Variants in SLC16A8 observed in about 807,000 individuals in gnomAD.
SLC16A8 encodes solute carrier family 16 member 8, also known as monocarboxylate transporter 3.
SLC16A8 carries 20 observed loss-of-function variants against 22.4 expected under a neutral mutation model. The ratio of observed to expected loss-of-function variants is 0.89; its 90% confidence interval spans 0.63 to 1.30. The LOEUF is 1.30. Ranked by LOEUF, SLC16A8 falls within the 50% of genes most tolerant of loss-of-function variation. The pLI is 0.00. For missense variants in SLC16A8, 817 were observed against 740.3 expected (o/e 1.10, Z -1.20); for synonymous variants, 393 against 358.8 (o/e 1.10, Z -1.08).
intron 5 of SLC16A8, 27 bp from the exon 6 acceptor site, chr22:38,078,731 G>A (rs746168595): frequency 4.4e-6 from 7 of 1,591,642 alleles, no homozygotes; most frequent in Non-Finnish European, 6.0e-6. Context: ...AGAGGAGGGA[G>A]AGGTAAGGTC....
At position 38,081,125 on chromosome 22, in the gene SLC16A8, C is replaced by T. The variant is rs1375022222; in HGVS notation, c.913G>A (p.Ala305Thr). 6.5e-7 allele frequency: 1 copy of T among 1,543,510 alleles called. No homozygotes were observed. The part of the protein sequence containing the change: ...VGFVDIVARP[A>T]CGALAGLARL... ...GCCAGGCCCGCCAGGGCGCCGCACG[C>T]CGGGCGCGCCACGATGTCCACGAAG... Residue 305 changes from alanine (A) to threonine (T), a missense_variant, in exon 5 of 6, where the codon GCG (alanine) becomes ACG (threonine). By Grantham distance (58) the Ala-to-Thr change is moderately conservative. Transcript: ENST00000681075.
chr22:38,081,703 CG>C, intron 4 of SLC16A8, 24 bp from the exon 5 acceptor site: 2 of 1,479,008 alleles, frequency 1.4e-6, no homozygotes, highest in Non-Finnish European at 1.8e-6. Flanking sequence ...GGTGCTGTGC[CG>C]GGGTCCCCGG....
At chr22:38,081,748 G>A in intron 4 of SLC16A8, 69 bp from the exon 5 acceptor site, 1 of 1,457,516 alleles carries the variant, frequency 6.9e-7, no homozygotes, top group Non-Finnish European at 9.0e-7. Context: ...GGAGGGAGGG[G>A]CCAGGCCCGG....
At position 38,083,982 on chromosome 22, in the gene SLC16A8, A is replaced by G. The variant is rs1003834688; in HGVS notation, c.-329+6T>C. 6.6e-6 allele frequency: 1 copy of G among 151,764 alleles called. No homozygotes were observed. Among genetic ancestry groups the G allele is most frequent in the African/African-American group, 2.4e-5 (1 of 41,268 alleles). The allele number at this position is 151,764 out of a possible 1,614,324, so 9.4% of individuals were successfully genotyped here. ...TGATCCCAGGCAGCCCTCACATCAC[A>G]CTCACCTGAGCCTGCCTCGTGGGTT... On this transcript the variant is annotated splice_donor_region_variant and intron_variant, in intron 1 of 5. Coordinates refer to ENST00000681075, the MANE Select transcript of SLC16A8 (RefSeq NM_013356.3).
In SLC16A8 at chr22:38,080,975, G is replaced by A. The variant is rs1009341663; in HGVS notation, c.1063C>T (p.Leu355Phe). Residue 355 changes from leucine to phenylalanine, a missense_variant, in exon 5 of 6, where the codon CTC becomes TTC. Coordinates refer to ENST00000681075, the MANE Select transcript of SLC16A8 (RefSeq NM_013356.3). ...ALVAFCVAFG[L>F]SYGMVGALQF... ...AGCGCGCCCACCATGCCGTAGGAGAGGCCGAAGGCGACGCAGAAGGCGACG... is the reference window on the plus strand; with the variant it reads ...AGCGCGCCCACCATGCCGTAGGAGAAGCCGAAGGCGACGCAGAAGGCGACG... 8.8e-6 allele frequency: 14 copies of A among 1,597,554 alleles called. No homozygotes were observed. The highest frequency in any genetic ancestry group is 1.2e-5 in the Non-Finnish European group (14 of 1,177,318).
At chr22:38,080,569 G>C (rs547861384) in intron 5 of SLC16A8, among the ~76,000 whole-genome samples, 146 of 152,310 alleles carry the variant, frequency 9.6e-4, no homozygotes, top group African/African-American at 3.4e-3. Context: ...AAGCACCTGC[G>C]CTCCAGATGG....
In SLC16A8 at chr22:38,081,078, C is replaced by T. The variant is rs1317994543; in HGVS notation, c.960G>A (p.Pro320=). The change falls in exon 5 of 6, where the codon CCG becomes CCA. Residue 320 remains proline (P), a synonymous_variant. Transcript: ENST00000681075. The part of the protein sequence containing the change: ...AGLARLRPHV[P]YLFSLALLAN... ...CCAGCAGGGCCAGGCTGAACAGATA[C>T]GGGACGTGCGGCCGCAGACGCGCCA... The T allele has an allele frequency of 2.5e-6, 4 of 1,568,698 alleles. No homozygotes were observed. Among genetic ancestry groups the T allele is most frequent in the Non-Finnish European group, 3.4e-6 (4 of 1,161,346 alleles).
chr22:38,082,754 G>T lies in SLC16A8; in HGVS notation c.120C>A (p.Ser40Arg). 1 of 1,593,468 alleles carries T rather than the reference G, an allele frequency of 6.3e-7. No homozygotes were observed. Among genetic ancestry groups the T allele is most frequent in the East Asian group, 2.3e-5 (1 of 44,134 alleles). Residue 40 changes from serine to arginine, a missense_variant, in exon 3 of 6, where the codon AGC becomes AGA. Coordinates refer to ENST00000681075, the MANE Select transcript of SLC16A8 (RefSeq NM_013356.3). ...GFAYGFPKAV[S>R]VFFRALMRDF... The stretch of plus-strand genomic sequence containing the variant: ...CGCGCATGAGCGCGCGGAAGAAGAC[G>T]CTCACGGCTTTGGGGAAGCCGTAGG...
In SLC16A8 at chr22:38,081,192, G is replaced by T. The variant is rs373031438; in HGVS notation, c.846C>A (p.Gly282=). The part of the protein sequence containing the change: ...ILLVNYAKDA[G]VPDTDAAFLL... ...GGAAGGCGGCGTCGGTGTCGGGCAC[G>T]CCCGCGTCCTTGGCGTAGTTCACCA... The change falls in exon 5 of 6, where the codon GGC becomes GGA. Residue 282 remains glycine, a synonymous_variant. Coordinates refer to ENST00000681075, the MANE Select transcript of SLC16A8 (RefSeq NM_013356.3). 6.1e-5 allele frequency: 95 copies of T among 1,558,026 alleles called. No homozygotes were observed. The African/African-American group carries it at 9.1e-4, about 15-fold the overall frequency.
rs759948243 is a variant in SLC16A8, at chr22:38,078,555, C to T, written c.1348G>A (p.Gly450Arg). 6.1e-5 allele frequency: 99 copies of T among 1,614,034 alleles called. No individual in the cohort carries two copies. Among genetic ancestry groups the T allele is most frequent in the Non-Finnish European group, 6.9e-5 (82 of 1,180,040 alleles). The change falls in exon 6 of 6, where the codon GGA becomes AGA. Residue 450 changes from glycine (G) to arginine (R), a missense_variant. Transcript: ENST00000681075. ...AAPSGPGTEG[G>R]ASDTEDAEAE... is the part of the protein sequence containing the mutation. ...TCAGCGTCCTCAGTGTCACTGGCTC[C>T]GCCCTCAGTGCCTGGGCCTGACGGG...
intron 3 of SLC16A8, 113 bp downstream of exon 3, chr22:38,082,547 A>G: frequency 1.2e-6 from 1 of 868,566 alleles, no homozygotes; most frequent in African/African-American, 1.7e-5. Flanking sequence ...ACAGGCAGGA[A>G]GGGACTTCGG....
rs1048666448 is a variant in SLC16A8, at chr22:38,081,872, G to T, written c.358+17C>A. On this transcript the variant is annotated intron_variant, in intron 4 of 5. Transcript: ENST00000681075. ...CCGACCCCCAACCCAGCGGAGAGGAGACCAGGGGGCCCTCACCTGTGAGCA... is the reference window on the plus strand; with the variant it reads ...CCGACCCCCAACCCAGCGGAGAGGATACCAGGGGGCCCTCACCTGTGAGCA... The T allele has an allele frequency of 6.3e-7, 1 of 1,590,342 alleles. No homozygotes were observed. The highest frequency in any genetic ancestry group is 8.6e-7 in the Non-Finnish European group (1 of 1,168,560).
In SLC16A8 at chr22:38,082,753, C is replaced by G. The variant is rs1422472559; in HGVS notation, c.121G>C (p.Val41Leu). ...TCGCGCATGAGCGCGCGGAAGAAGA[C>G]GCTCACGGCTTTGGGGAAGCCGTAG... Reference protein sequence around the residue: ...FAYGFPKAVSVFFRALMRDFD... With the variant: ...FAYGFPKAVSLFFRALMRDFD... Residue 41 changes from valine (V) to leucine (L), a missense_variant, in exon 3 of 6, where the codon GTC (valine) becomes CTC (leucine). Coordinates refer to ENST00000681075, the MANE Select transcript of SLC16A8 (RefSeq NM_013356.3). 9 of 1,593,460 alleles carry G rather than the reference C, an allele frequency of 5.6e-6. No individual in the cohort carries two copies. The highest frequency in any genetic ancestry group is 6.8e-6 in the Non-Finnish European group (8 of 1,172,768).
intron 5 of SLC16A8, among the ~76,000 whole-genome samples, chr22:38,079,017 T>A (rs544962375): frequency 3.9e-5 from 6 of 152,292 alleles, no homozygotes; most frequent in African/African-American, 1.4e-4. Flanking sequence ...CAGTGGGGTA[T>A]CTGGGGTGGG....
chr22:38,083,174 C>T lies in SLC16A8; in HGVS notation c.-141G>A, dbSNP rs2085946976. 1.2e-5 allele frequency: 5 copies of T among 424,538 alleles called. No individual in the cohort carries two copies. Among genetic ancestry groups the T allele is most frequent in the Admixed American group, 7.7e-5 (2 of 25,840 alleles). The allele number at this position is 424,538 out of a possible 1,614,324, so 26.3% of individuals were successfully genotyped here. A position where few individuals can be genotyped will look rare whatever the true frequency, so the allele number is the denominator to read the frequency against. On this transcript the variant is annotated 5_prime_UTR_variant, in exon 2 of 6. Transcript: ENST00000681075. Reference sequence around the variant, plus strand: ...CCTCAGGGCCTCAGGTGGAAGGCGTCGGGAAGTGGAGCAGGTATGTGCCTG... The same window carrying T: ...CCTCAGGGCCTCAGGTGGAAGGCGTTGGGAAGTGGAGCAGGTATGTGCCTG...
rs866828057 is a variant in SLC16A8, at chr22:38,081,196, G to T, written c.842C>A (p.Ala281Glu). The T allele has an allele frequency of 1.3e-6, 2 of 1,560,160 alleles. No homozygotes were observed. The highest frequency in any genetic ancestry group is 2.7e-5 in the African/African-American group (2 of 73,458). ...GGCGGCGTCGGTGTCGGGCACGCCC[G>T]CGTCCTTGGCGTAGTTCACCAGCAG... ...AILLVNYAKD[A>E]GVPDTDAAFL... is the part of the protein sequence containing the mutation. The change falls in exon 5 of 6, where the codon GCG becomes GAG. Residue 281 changes from alanine to glutamate, a missense_variant. Transcript: ENST00000681075.
At chr22:38,079,359 C>T (rs901783201) in intron 5 of SLC16A8, among the ~76,000 whole-genome samples, 5 of 152,104 alleles carry the variant, frequency 3.3e-5, no homozygotes, top group African/African-American at 1.2e-4. Context: ...TCAAGGGATC[C>T]TCCCGACTTG....
Position 38,083,211 on chromosome 22 carries a change from C to T in SLC16A8, c.-178G>A, listed in dbSNP as rs1228007662. 9.0e-6 allele frequency: 3 copies of T among 334,966 alleles called. No individual in the cohort carries two copies. The highest frequency in any genetic ancestry group is 1.6e-5 in the Non-Finnish European group (3 of 182,024). The allele number at this position is 334,966 out of a possible 1,614,324, so 20.7% of individuals were successfully genotyped here. ...CAGGTATGTGCCTGGAGGTGGGCGT[C>T]CAGCACCAAAGTCGCCCCGTACGCG... On this transcript the variant is annotated 5_prime_UTR_variant, in exon 2 of 6. Coordinates refer to ENST00000681075, the MANE Select transcript of SLC16A8 (RefSeq NM_013356.3).
In SLC16A8 at chr22:38,082,900, G is replaced by A. The variant is rs746835702; in HGVS notation, c.-8-19C>T. On this transcript the variant is annotated intron_variant, in intron 2 of 5. Coordinates refer to ENST00000681075, the MANE Select transcript of SLC16A8 (RefSeq NM_013356.3). ...GCTGCCTCTGTTGGGAGGGGGCGGGGACAAGAGGGAGGGGCTGGGCCAGCA... is the reference window on the plus strand; with the variant it reads ...GCTGCCTCTGTTGGGAGGGGGCGGGAACAAGAGGGAGGGGCTGGGCCAGCA... The A allele has an allele frequency of 5.8e-6, 8 of 1,380,740 alleles. No individual in the cohort carries two copies. The highest frequency in any genetic ancestry group is 1.4e-5 in the African/African-American group (1 of 69,552). The allele number at this position is 1,380,740 out of a possible 1,614,324, so 85.5% of individuals were successfully genotyped here. A position where few individuals can be genotyped will look rare whatever the true frequency, so the allele number is the denominator to read the frequency against.
Sources: allele counts gnomAD v4.1 joint callset (sites outside exome capture counted in the v4.1 genomes callset), GRCh38; gene constraint gnomAD v4.1.1; transcripts MANE v1.5; gene names NCBI Gene and HGNC (gene_info 2026-07-23, HGNC 2026-07-21).